Variants in NUBPL observed in about 807,000 individuals in gnomAD.
NUBPL encodes the protein iron-sulfur cluster transfer protein NUBPL.
Under a neutral mutation model 45.7 loss-of-function variants are expected in NUBPL, and 31 were observed. The ratio of observed to expected loss-of-function variants is 0.68; its 90% CI spans 0.51 to 0.92. NUBPL has a LOEUF of 0.92. Ranked by LOEUF, NUBPL falls within the 40% of genes least tolerant of loss-of-function variation. The probability of loss-of-function intolerance (pLI) is 0.00; values close to 1 mark genes in which losing one functional copy is unlikely to be tolerated. For synonymous variants in NUBPL, 144 were observed against 140.9 expected (o/e 1.02, Z -0.15); for missense variants, 401 against 398.7 (o/e 1.01, Z -0.05).
intron 3 of NUBPL, among the ~76,000 whole-genome samples, chr14:31,592,910 A>C (rs1345518938): frequency 6.6e-6 from 1 of 152,220 alleles, no homozygotes; most frequent in Non-Finnish European, 1.5e-5. Context: ...CAAAGCATGC[A>C]AAAATCCTTA....
intron 4 of NUBPL, among the ~76,000 whole-genome samples, chr14:31,604,384 A>G (rs1461209935): frequency 1.3e-5 from 2 of 152,222 alleles, no homozygotes; most frequent in Admixed American, 6.5e-5. Context: ...ATGTTAATTT[A>G]TCCTATTCTG....
At chr14:31,747,132 G>A (rs1191230417) in intron 6 of NUBPL, among the ~76,000 whole-genome samples, 1 of 142,126 alleles carries the variant, frequency 7.0e-6, no homozygotes, top group Non-Finnish European at 1.5e-5. Context: ...ATTCAGTCCT[G>A]GGCTTTTCTT....
chr14:31,644,046 A>G (rs1456734371), intron 4 of NUBPL, among the ~76,000 whole-genome samples: 1 of 151,646 alleles, frequency 6.6e-6, no homozygotes, highest in Non-Finnish European at 1.5e-5. Context: ...TTTCTTAGTT[A>G]ATCTAGCTAA....
intron 10 of NUBPL, among the ~76,000 whole-genome samples, chr14:31,854,474 G>A (rs1033042582): frequency 2.6e-5 from 4 of 152,258 alleles, no homozygotes; most frequent in East Asian, 3.9e-4. Context: ...CAAAGGACAT[G>A]TTCATATGAG....
chr14:31,838,230 T>A (rs1223423105), intron 8 of NUBPL, among the ~76,000 whole-genome samples: 1 of 150,340 alleles, frequency 6.7e-6, no homozygotes, highest in East Asian at 1.9e-4. Flanking sequence ...ATTTGGAAAC[T>A]TTTGCTTCTT....
At chr14:31,663,770 A>G (rs1192469614) in intron 4 of NUBPL, among the ~76,000 whole-genome samples, 3 of 152,118 alleles carry the variant, frequency 2.0e-5, no homozygotes, top group African/African-American at 4.8e-5. Flanking sequence ...TTCTAATTCT[A>G]TGAAGAAAGT....
At chr14:31,738,052 C>A (rs1431801182) in intron 6 of NUBPL, among the ~76,000 whole-genome samples, 1 of 152,124 alleles carries the variant, frequency 6.6e-6, no homozygotes, top group African/African-American at 2.4e-5. Context: ...ATATGTAACA[C>A]TTGAGAATTT....
At chr14:31,643,669 C>T (rs557065025) in intron 4 of NUBPL, among the ~76,000 whole-genome samples, 7 of 151,948 alleles carry the variant, frequency 4.6e-5, no homozygotes, top group Admixed American at 1.3e-4. Flanking sequence ...TTATAGGATC[C>T]GTTTGGAAGT....
intron 3 of NUBPL, among the ~76,000 whole-genome samples, chr14:31,576,403 A>G (rs1281875910): frequency 3.3e-5 from 5 of 152,116 alleles, no homozygotes; most frequent in Non-Finnish European, 1.5e-5. Flanking sequence ...CTGGGACTAT[A>G]GGTATGTGCC....
At chr14:31,737,840 G>C (rs1004658089) in intron 6 of NUBPL, among the ~76,000 whole-genome samples, 1 of 152,136 alleles carries the variant, frequency 6.6e-6, no homozygotes, top group African/African-American at 2.4e-5. Flanking sequence ...CTTAACAGTT[G>C]AAGCTCTCCT....
At chr14:31,846,272 A>G in intron 8 of NUBPL, 199 bp from the exon 9 acceptor site, 1 of 549,744 alleles carries the variant, frequency 1.8e-6, no homozygotes, top group Non-Finnish European at 3.2e-6. Flanking sequence ...ATTTATTATG[A>G]TATCAAAGGT....
intron 4 of NUBPL, among the ~76,000 whole-genome samples, chr14:31,603,334 GA>G (rs1310734010): frequency 2.1e-5 from 3 of 143,202 alleles, no homozygotes; most frequent in Non-Finnish European, 4.6e-5. Context: ...GAAAAGAAAA[GA>G]AAAAAAGGAA....
chr14:31,806,216 C>G (rs1156933250), intron 7 of NUBPL, among the ~76,000 whole-genome samples: 2 of 152,140 alleles, frequency 1.3e-5, no homozygotes, highest in Admixed American at 6.6e-5. Context: ...TATAAAGTCT[C>G]TGTCTCTATT....
chr14:31,566,504 G>T (rs1354385878), intron 3 of NUBPL, among the ~76,000 whole-genome samples: 3 of 151,890 alleles, frequency 2.0e-5, no homozygotes, highest in African/African-American at 7.3e-5. Context: ...CTACTTTCAT[G>T]TATCCCATCT....
In NUBPL at chr14:31,628,283, G is replaced by C. The variant is rs186631943; in HGVS notation, c.382+28904G>C. Among the ~76,000 whole-genome samples, 320 of 152,250 alleles carry C rather than the reference G, an allele frequency of 2.1e-3. 1 individual carries two copies. Among genetic ancestry groups the C allele is most frequent in the African/African-American group, 7.3e-3 (305 of 41,544 alleles). ...CTTGTATATTGTAGACTTTGAAGTG[G>C]ATCTTATAGCCATGCATGATTTTAT... is the stretch of plus-strand genomic sequence containing the variant. On this transcript the variant is annotated intron_variant, in intron 4 of 10. Coordinates refer to ENST00000281081, the MANE Select transcript of NUBPL (RefSeq NM_025152.3).
chr14:31,828,614 T>G (rs1435271917), intron 8 of NUBPL, among the ~76,000 whole-genome samples: 1 of 152,150 alleles, frequency 6.6e-6, no homozygotes, highest in African/African-American at 2.4e-5. Flanking sequence ...CCCTATAAAT[T>G]ATCATTTTAT....
chr14:31,837,202 T>C (rs2040295138), intron 8 of NUBPL, among the ~76,000 whole-genome samples: 1 of 152,112 alleles, frequency 6.6e-6, no homozygotes, highest in African/African-American at 2.4e-5. Flanking sequence ...GCATCTGTAG[T>C]CTCAGCTACT....
At chr14:31,676,168 C>T (rs1277635543) in intron 6 of NUBPL, among the ~76,000 whole-genome samples, 2 of 152,076 alleles carry the variant, frequency 1.3e-5, no homozygotes, top group African/African-American at 4.8e-5. Context: ...GACTACAAGG[C>T]ATGCGCCACC....
At position 31,860,302 on chromosome 14, in the gene NUBPL, CAAAAAAAAAAAA is replaced by C. The variant is rs34847511; in HGVS notation, c.*1136_*1147del. ...TGGTCAATGGAGTGCGACTCCATCTCAAAAAAAAAAAAAAAAAAAAAAAAAGTCGGGGGAGAT... is the reference window on the plus strand; with the variant it reads ...TGGTCAATGGAGTGCGACTCCATCTCAAAAAAAAAAAAAGTCGGGGGAGAT... On this transcript the variant is annotated 3_prime_UTR_variant, in exon 11 of 11. Coordinates refer to ENST00000281081, the MANE Select transcript of NUBPL (RefSeq NM_025152.3). The C allele has an allele frequency of 1.3e-5, 1 of 75,498 alleles. No individual in the cohort carries two copies. Among genetic ancestry groups the C allele is most frequent in the Non-Finnish European group, 2.4e-5 (1 of 40,896 alleles). The allele number at this position is 75,498 out of a possible 1,614,324, so 4.7% of individuals were successfully genotyped here. A position where few individuals can be genotyped will look rare whatever the true frequency, so the allele number is the denominator to read the frequency against.
Sources: gnomAD v4.1 joint callset for allele counts (sites outside exome capture counted in the v4.1 genomes callset) on GRCh38, gnomAD v4.1.1 for gene constraint, MANE v1.5 for transcripts, NCBI Gene and HGNC (gene_info 2026-07-23, HGNC 2026-07-21) for gene names.